Variants in DSG4 observed in about 807,000 individuals in gnomAD.
DSG4 encodes the protein desmoglein-4.
In DSG4, 87 loss-of-function variants were observed where a neutral mutation model predicts 93.1. The observed-to-expected ratio is 0.93, with a 90% CI of 0.79 to 1.12. The LOEUF is 1.12. DSG4 is among the 50% of genes most tolerant of loss of function. DSG4 has a pLI of 0.00. For synonymous variants in DSG4, 432 were observed against 452.9 expected (o/e 0.95, Z 0.59); for missense variants, 1,373 against 1,285.7 (o/e 1.07, Z -1.04).
At chr18:31,400,217 C>A (rs1272577316) in intron 9 of DSG4, among the ~76,000 whole-genome samples, 1 of 152,120 alleles carries the variant, frequency 6.6e-6, no homozygotes, top group Non-Finnish European at 1.5e-5. Context: ...AGTCTACTGA[C>A]TTATAAGTTA....
intron 8 of DSG4, among the ~76,000 whole-genome samples, chr18:31,395,529 A>C (rs918154455): frequency 6.6e-6 from 1 of 151,976 alleles, no homozygotes; most frequent in Non-Finnish European, 1.5e-5. Flanking sequence ...TAATTTTCCC[A>C]TGTTTGACAT....
intron 10 of DSG4, among the ~76,000 whole-genome samples, chr18:31,402,431 A>G (rs534776115): frequency 1.3e-4 from 20 of 152,230 alleles, no homozygotes; most frequent in Non-Finnish European, 2.1e-4. Context: ...CTCTCGAATG[A>G]GAAGCTAAGT....
At position 31,404,235 on chromosome 18, in the gene DSG4, C is replaced by T. The variant is rs996715162; in HGVS notation, c.1636+601C>T. Among the ~76,000 whole-genome samples the T allele has an allele frequency of 3.9e-5, 6 of 152,072 alleles. No homozygotes were observed. In the East Asian group the frequency reaches 9.7e-4, roughly 24 times the overall value. On this transcript the variant is annotated intron_variant, in intron 11 of 15. Transcript: ENST00000308128. Reference sequence around the variant, plus strand: ...TACAGCCATTAAAATTAGAATTATGCAAAGTATGTAGATACAAAAGAATGC... The same window carrying T: ...TACAGCCATTAAAATTAGAATTATGTAAAGTATGTAGATACAAAAGAATGC...
intron 7 of DSG4, 106 bp from the exon 8 acceptor site, chr18:31,392,049 T>C (rs1056166900): frequency 9.3e-7 from 1 of 1,079,300 alleles, no homozygotes; most frequent in Non-Finnish European, 1.4e-6. Flanking sequence ...GGTGCAAAAA[T>C]CATCGACATA....
In DSG4 at chr18:31,412,996, A is replaced by G. The variant is rs2072512358; in HGVS notation, c.2524A>G (p.Thr842Ala). Residue 842 changes from threonine to alanine, a missense_variant, in exon 16 of 16, where the codon ACT becomes GCT. Coordinates refer to ENST00000308128, the MANE Select transcript of DSG4 (RefSeq NM_177986.5). ...GGAAACTTTAGATCCAAAATTTAGG[A>G]CTCTTGCTGAGATCTGCTTAAACAC... ...CMETLDPKFR[T>A]LAEICLNTEI... The G allele has an allele frequency of 6.2e-7, 1 of 1,613,820 alleles. No individual in the cohort carries two copies. The highest frequency in any genetic ancestry group is 1.3e-5 in the African/African-American group (1 of 74,828).
intron 12 of DSG4, among the ~76,000 whole-genome samples, chr18:31,408,420 A>C (rs146768732): frequency 1.3e-5 from 2 of 152,346 alleles, no homozygotes; most frequent in East Asian, 3.9e-4. Context: ...TTTCCAGAAA[A>C]TGCTATGGAA....
At chr18:31,389,199 A>G (rs2072223127) in intron 5 of DSG4, among the ~76,000 whole-genome samples, 181 bp downstream of exon 5, 1 of 152,208 alleles carries the variant, frequency 6.6e-6, no homozygotes, top group Non-Finnish European at 1.5e-5. Context: ...CTAAAATGAT[A>G]AAATAAAATA....
chr18:31,388,476 T>C lies in DSG4; in HGVS notation c.326T>C (p.Ile109Thr), dbSNP rs1443965745. ...ACCATTAATCCTCGCACTGGGGAAATTAACATCACTTCAGTGGTAGACAGA... is the reference window on the plus strand; with the variant it reads ...ACCATTAATCCTCGCACTGGGGAAACTAACATCACTTCAGTGGTAGACAGA... ...VFTINPRTGEINITSVVDREI... is the reference protein window; with the variant it reads ...VFTINPRTGETNITSVVDREI... Residue 109 changes from isoleucine (I) to threonine (T), a missense_variant, in exon 4 of 16, where the codon ATT becomes ACT. Transcript: ENST00000308128. 3.7e-6 allele frequency: 6 copies of C among 1,613,444 alleles called. No homozygotes were observed. The highest frequency in any genetic ancestry group is 5.1e-6 in the Non-Finnish European group (6 of 1,179,624).
At chr18:31,399,948 T>TGG in intron 9 of DSG4, among the ~76,000 whole-genome samples, 1 of 152,292 alleles carries the variant, frequency 6.6e-6, no homozygotes, top group East Asian at 1.9e-4. Context: ...TAGAGACTAA[T>TGG]TTCAATCCTC....
intron 14 of DSG4, 89 bp from the exon 15 acceptor site, chr18:31,411,142 T>C: frequency 6.2e-7 from 1 of 1,613,482 alleles, no homozygotes; most frequent in Non-Finnish European, 8.5e-7. Context: ...CGGGTGGTGG[T>C]GGCACCGCAG....
chr18:31,377,378 T>G (rs2072088281), intron 1 of DSG4, among the ~76,000 whole-genome samples: 1 of 152,206 alleles, frequency 6.6e-6, no homozygotes, highest in African/African-American at 2.4e-5. Context: ...CCCTATGAGT[T>G]TCTTTCAAAG....
chr18:31,403,647 T>C lies in DSG4; in HGVS notation c.1636+13T>C. 6.2e-7 allele frequency: 1 copy of C among 1,613,628 alleles called. No homozygotes were observed. The highest frequency in any genetic ancestry group is 2.2e-5 in the East Asian group (1 of 44,862). On this transcript the variant is annotated intron_variant, in intron 11 of 15. Transcript: ENST00000308128. ...AGATCAACAAATGGTAAGTGAAACG[T>C]AAGCTTGTTTTTTGGACTTTAAGTC...
At position 31,409,585 on chromosome 18, in the gene DSG4, G is replaced by C; in HGVS notation, c.2067G>C (p.Glu689Asp). 6.2e-7 allele frequency: 1 copy of C among 1,614,198 alleles called. No homozygotes were observed. ...GGAGAATTGAAGGGGCCCATCCCGA[G>C]GACAGGGTAAGTGGACTGTCACTCT... The part of the protein sequence containing the change: ...QSWRIEGAHP[E>D]DRDVSNICAP... The change falls in exon 13 of 16, where the codon GAG becomes GAC. Residue 689 changes from glutamate to aspartate, a missense_variant. Physicochemically the swap from Glu to Asp is conservative, Grantham distance 45 (BLOSUM62 2). Transcript: ENST00000308128.
chr18:31,410,433 A>G (rs2144217769), intron 14 of DSG4, among the ~76,000 whole-genome samples: 1 of 152,024 alleles, frequency 6.6e-6, no homozygotes, highest in Admixed American at 6.6e-5. Context: ...ACACACATAT[A>G]TAAGTGTGTA....
rs1006156693 is a variant in DSG4 at position 31,386,569 on chromosome 18, C to T, written c.85-119C>T. 2.7e-6 allele frequency: 4 copies of T among 1,462,108 alleles called. No homozygotes were observed. The African/African-American group carries it at 4.2e-5, about 15-fold the overall frequency. 90.6% of individuals were successfully genotyped at this position (1,462,108 alleles called of 1,614,324 possible). ...AGTTGTGAATTGGTGAAAACATTCTCTGTTCTTCAAATTCAATATCACTGT... is the reference window on the plus strand; with the variant it reads ...AGTTGTGAATTGGTGAAAACATTCTTTGTTCTTCAAATTCAATATCACTGT... On this transcript the variant is annotated intron_variant, in intron 2 of 15. Coordinates refer to ENST00000308128, the MANE Select transcript of DSG4 (RefSeq NM_177986.5).
intron 1 of DSG4, among the ~76,000 whole-genome samples, chr18:31,377,422 C>A (rs936493082): frequency 6.6e-6 from 1 of 152,084 alleles, no homozygotes; most frequent in African/African-American, 2.4e-5. Flanking sequence ...AATTACATTG[C>A]AACTAATGAT....
chr18:31,385,156 T>C lies in DSG4; in HGVS notation c.69T>C (p.Ser23=). ...AACAGGTGGTGATGGAAGTAAACAG[T>C]GAATTTATTGTTGAGGTAATGTAAA... ...IILMVVMEVN[S]EFIVEVKEFD... Residue 23 remains serine (S), a synonymous_variant, in exon 2 of 16, where the codon AGT becomes AGC. Transcript: ENST00000308128. 1.3e-6 allele frequency: 2 copies of C among 1,596,914 alleles called. No homozygotes were observed. The highest frequency in any genetic ancestry group is 1.7e-6 in the Non-Finnish European group (2 of 1,169,180).
At chr18:31,395,000 T>C (rs2144186831) in intron 8 of DSG4, among the ~76,000 whole-genome samples, 1 of 152,266 alleles carries the variant, frequency 6.6e-6, no homozygotes, top group African/African-American at 2.4e-5. Context: ...AAGAACCTGA[T>C]CTAAATATCT....
At chr18:31,401,527 T>C (rs2072366690) in intron 10 of DSG4, 1 of 152,580 alleles carries the variant, frequency 6.6e-6, no homozygotes, top group African/African-American at 2.4e-5. Context: ...AAAGCACAGA[T>C]TATTCCAAAT....
Sources: allele counts gnomAD v4.1 joint callset (sites outside exome capture counted in the v4.1 genomes callset), GRCh38; gene constraint gnomAD v4.1.1; transcripts MANE v1.5; gene names NCBI Gene and HGNC (gene_info 2026-07-23, HGNC 2026-07-21).